Variants in IL6R observed in about 807,000 individuals in gnomAD.
IL6R encodes the protein interleukin 6 receptor.
Under a neutral mutation model 48.3 loss-of-function variants are expected in IL6R, and 38 were observed. The ratio of observed to expected loss-of-function variants is 0.79; its 90% CI spans 0.61 to 1.03. The LOEUF (loss-of-function observed/expected upper bound fraction) is 1.03, where lower values mean the gene tolerates loss of function less well. Among genes scored for constraint, IL6R ranks in the 50% least tolerant of loss-of-function variants. The pLI is 0.00. For synonymous variants in IL6R, 264 were observed against 256.2 expected, an observed-to-expected ratio of 1.03 and a Z score of -0.29; for missense variants, 534 against 618.3, an observed-to-expected ratio of 0.86 and a Z score of 1.45.
chr1:154,426,647 G>A (rs965838573), intron 1 of IL6R, among the ~76,000 whole-genome samples: 2 of 152,116 alleles, frequency 1.3e-5, no homozygotes, highest in African/African-American at 4.8e-5. Context: ...GGTAGTGAAA[G>A]TTAGGTTGGT....
intron 1 of IL6R, among the ~76,000 whole-genome samples, chr1:154,412,615 A>G (rs1357388745): frequency 3.3e-5 from 5 of 152,222 alleles, no homozygotes; most frequent in Non-Finnish European, 5.9e-5. Flanking sequence ...ACTTTCTCCC[A>G]GAAAAGGAGA....
chr1:154,420,344 C>T (rs865824358), intron 1 of IL6R, among the ~76,000 whole-genome samples: 1 of 151,864 alleles, frequency 6.6e-6, no homozygotes. Context: ...CAGTCTGAAT[C>T]CTCATTTCAC....
At chr1:154,412,924 A>C (rs1688112605) in intron 1 of IL6R, among the ~76,000 whole-genome samples, 1 of 151,890 alleles carries the variant, frequency 6.6e-6, no homozygotes, top group South Asian at 2.1e-4. Context: ...TGGACTAGGA[A>C]ATTTAAACAA....
At chr1:154,458,599 G>A (rs1469972721) in intron 9 of IL6R, among the ~76,000 whole-genome samples, 6 of 152,086 alleles carry the variant, frequency 3.9e-5, no homozygotes, top group Non-Finnish European at 5.9e-5. Flanking sequence ...GAGATGGTGC[G>A]ATAACAGCTA....
In IL6R at chr1:154,465,348, A is replaced by G; in HGVS notation, c.1375A>G (p.Ile459Val). ...DARDPRSPYD[I>V]SNTDYFFPR The stretch of plus-strand genomic sequence containing the variant: ...CAGGGACCCACGGAGCCCTTATGAC[A>G]TCAGCAATACAGACTACTTCTTCCC... Residue 459 changes from isoleucine to valine, a missense_variant, in exon 10 of 10, where the codon ATC becomes GTC. Coordinates refer to ENST00000368485, the MANE Select transcript of IL6R (RefSeq NM_000565.4). 6.2e-7 allele frequency: 1 copy of G among 1,614,094 alleles called. No homozygotes were observed.
intron 1 of IL6R, among the ~76,000 whole-genome samples, chr1:154,427,804 G>A (rs1191943816): frequency 6.6e-6 from 1 of 152,182 alleles, no homozygotes; most frequent in African/African-American, 2.4e-5. Flanking sequence ...CAGCCACCTT[G>A]GATGGGGTGA....
chr1:154,457,271 C>G (rs1029612810), intron 9 of IL6R, among the ~76,000 whole-genome samples: 1 of 136,120 alleles, frequency 7.3e-6, no homozygotes, highest in Non-Finnish European at 1.5e-5. Flanking sequence ...TGCAGTGAGC[C>G]AAGATTGCAC....
chr1:154,436,028 G>C lies in IL6R; in HGVS notation c.867G>C (p.Val289=). ...ACGCCTGGAGCGGCCTGAGGCACGT[G>C]GTGCAGCTTCGTGCCCAGGAGGAGT... is the stretch of plus-strand genomic sequence containing the variant. ...IHDAWSGLRH[V]VQLRAQEEFG... is the part of the protein sequence containing the mutation. The change falls in exon 6 of 10, where the codon GTG becomes GTC. Residue 289 remains valine (V), a synonymous_variant. Coordinates refer to ENST00000368485, the MANE Select transcript of IL6R (RefSeq NM_000565.4). 4 of 1,613,050 alleles carry C rather than the reference G, an allele frequency of 2.5e-6. No individual in the cohort carries two copies. Among genetic ancestry groups the C allele is most frequent in the Non-Finnish European group, 2.5e-6 (3 of 1,179,388 alleles).
intron 1 of IL6R, among the ~76,000 whole-genome samples, chr1:154,416,808 C>T (rs979133908): frequency 1.3e-5 from 2 of 151,774 alleles, no homozygotes; most frequent in African/African-American, 4.8e-5. Context: ...AGAGTGTGGT[C>T]AGCATAGGCC....
chr1:154,433,127 C>G (rs1689399789), intron 3 of IL6R, among the ~76,000 whole-genome samples: 1 of 152,198 alleles, frequency 6.6e-6, no homozygotes, highest in South Asian at 2.1e-4. Context: ...GCCTTCGTGG[C>G]TGGGTGGAAG....
chr1:154,448,057 C>T, intron 6 of IL6R, 68 bp from the exon 7 acceptor site: 9 of 1,284,464 alleles, frequency 7.0e-6, no homozygotes, highest in Admixed American at 5.7e-5. Context: ...TTTTCTGATG[C>T]TGAAGCCCCT....
At chr1:154,428,507 T>G (rs1689101479) in intron 1 of IL6R, among the ~76,000 whole-genome samples, 1 of 152,238 alleles carries the variant, frequency 6.6e-6, no homozygotes, top group Admixed American at 6.5e-5. Context: ...GTGCCTGGCA[T>G]TCATTCCTAA....
intron 9 of IL6R, among the ~76,000 whole-genome samples, chr1:154,454,826 T>C (rs1690785569): frequency 6.6e-6 from 1 of 152,194 alleles, no homozygotes; most frequent in Non-Finnish European, 1.5e-5. Flanking sequence ...AGGTAATCAC[T>C]ACTGTGGTAA....
rs1691642267 is a variant in IL6R, at chr1:154,468,199, T to C, written c.*2819T>C. The C allele has an allele frequency of 6.6e-6, 1 of 152,212 alleles. No homozygotes were observed. Among genetic ancestry groups the C allele is most frequent in the Non-Finnish European group, 1.5e-5 (1 of 68,042 alleles). The allele number at this position is 152,212 out of a possible 1,614,324, so 9.4% of individuals were successfully genotyped here. On this transcript the variant is annotated 3_prime_UTR_variant, in exon 10 of 10. Coordinates refer to ENST00000368485, the MANE Select transcript of IL6R (RefSeq NM_000565.4). ...GCGTACACAGGTATACATCCTAAGC[T>C]CTCTATGTTCTCTAATCTGTGGTGA...
chr1:154,430,264 C>T (rs1317086065), intron 2 of IL6R, among the ~76,000 whole-genome samples: 2 of 152,184 alleles, frequency 1.3e-5, no homozygotes, highest in Non-Finnish European at 2.9e-5. Flanking sequence ...GTCCCGGATC[C>T]GTGTCTCAGA....
chr1:154,421,295 G>T (rs2149221162), intron 1 of IL6R, among the ~76,000 whole-genome samples: 1 of 152,310 alleles, frequency 6.6e-6, no homozygotes, highest in South Asian at 2.1e-4. Context: ...AGGTGGGGAA[G>T]CCATTGAGCC....
chr1:154,465,024 C>A (rs1204361232), intron 9 of IL6R, 110 bp from the exon 10 acceptor site: 1 of 1,306,194 alleles, frequency 7.7e-7, no homozygotes, highest in Non-Finnish European at 1.1e-6. Flanking sequence ...GAGCCGAAAC[C>A]TGGGCGCGCC....
intron 9 of IL6R, among the ~76,000 whole-genome samples, chr1:154,456,876 A>G (rs1463455833): frequency 1.3e-5 from 2 of 152,104 alleles, no homozygotes; most frequent in East Asian, 3.9e-4. Context: ...AGTGTTGGGA[A>G]AGGGGCTGAG....
intron 6 of IL6R, among the ~76,000 whole-genome samples, chr1:154,444,703 G>C (rs117709635): frequency 2.0e-5 from 3 of 152,034 alleles, no homozygotes; most frequent in Admixed American, 1.3e-4. Context: ...ATAGAGACCA[G>C]CCGGGCACCA....
Sources: gnomAD v4.1 joint callset for allele counts (sites outside exome capture counted in the v4.1 genomes callset) on GRCh38, gnomAD v4.1.1 for gene constraint, MANE v1.5 for transcripts, NCBI Gene and HGNC (gene_info 2026-07-23, HGNC 2026-07-21) for gene names.